Variants in DOP1A observed in about 807,000 individuals in gnomAD.
DOP1A encodes the protein protein DOP1A.
A neutral mutation model predicts 267.6 loss-of-function variants in DOP1A; 90 were observed. The observed-to-expected ratio is 0.34, with a 90% CI of 0.28 to 0.40. The LOEUF (loss-of-function observed/expected upper bound fraction) is 0.40, where lower values mean the gene tolerates loss of function less well. DOP1A is among the 10% of genes least tolerant of loss of function. The pLI is 1.00. For synonymous variants in DOP1A, 932 were observed against 999.1 expected (o/e 0.93, Z 1.27); for missense variants, 2,437 against 2,900.4 (o/e 0.84, Z 3.67).
Position 83,138,891 on chromosome 6 carries a change from A to T in DOP1A, c.4849A>T (p.Ile1617Phe). 1 of 1,614,078 alleles carries T rather than the reference A, an allele frequency of 6.2e-7. No individual in the cohort carries two copies. The highest frequency in any genetic ancestry group is 8.5e-7 in the Non-Finnish European group (1 of 1,179,964). The change falls in exon 21 of 39, where the codon ATC (isoleucine) becomes TTC (phenylalanine). Residue 1617 changes from isoleucine to phenylalanine, a missense_variant. This residue lies in a region of DOP1A where 878 missense variants were observed against 992.9 expected (regional missense o/e 0.88). Coordinates refer to ENST00000349129, the MANE Select transcript of DOP1A (RefSeq NM_015018.4). The part of the protein sequence containing the change: ...FDFVVSDLEH[I>F]SPHQPMTSLQ... ...TTTTGTTGTATCTGACTTAGAACAC[A>T]TCAGTCCCCATCAACCCATGACTTC...
At chr6:83,132,686 A>G (rs1047526500) in intron 18 of DOP1A, among the ~76,000 whole-genome samples, 1 of 152,144 alleles carries the variant, frequency 6.6e-6, no homozygotes, top group African/African-American at 2.4e-5. Context: ...GGATTTATTA[A>G]CTAATATATA....
In DOP1A at chr6:83,158,602, T is replaced by C. The variant is rs201998300; in HGVS notation, c.6777T>C (p.Thr2259=). 1 of 1,607,828 alleles carries C rather than the reference T, an allele frequency of 6.2e-7. No homozygotes were observed. Among genetic ancestry groups the C allele is most frequent in the Middle Eastern group, 1.7e-4 (1 of 6,026 alleles). ...TTTTACTGATGGAGCAGGAACTCAC[T>C]GCTGATGAAGATATTTCACGGTAAT... ...QVFLLMEQEL[T]ADEDISRTSG... is the part of the protein sequence containing the mutation. The change falls in exon 36 of 39, where the codon ACT becomes ACC. Residue 2259 remains threonine (T), a synonymous_variant. Transcript: ENST00000349129.
At chr6:83,127,014 C>T (rs963092134) in intron 15 of DOP1A, among the ~76,000 whole-genome samples, 4 of 151,922 alleles carry the variant, frequency 2.6e-5, no homozygotes, top group Non-Finnish European at 4.4e-5. Context: ...TGAGTCAGTT[C>T]CTGGGTGGGG....
At chr6:83,168,583 C>T (rs1181262181), downstream of DOP1A, 16 of 996,776 alleles carry the variant, frequency 1.6e-5, no homozygotes, top group East Asian at 1.1e-4. Flanking sequence ...GGCTGGGAAA[C>T]GTATTATAAT....
intron 1 of DOP1A, among the ~76,000 whole-genome samples, chr6:83,078,557 A>G (rs1767532982): frequency 6.6e-6 from 1 of 152,210 alleles, no homozygotes; most frequent in South Asian, 2.1e-4. Flanking sequence ...ACAAGTACAA[A>G]CTTGTGTAAT....
Position 83,163,150 on chromosome 6 carries a change from AAAGG to A in DOP1A, c.7092+236_7092+239del, listed in dbSNP as rs200890035. ...GGTTATTCATTTTTTTAAAGAAGAA[AAAGG>A]AAGGCTTTTGTACATTAATAACATC... On this transcript the variant is annotated intron_variant, in intron 38 of 38. Transcript: ENST00000349129. Among the ~76,000 whole-genome samples the A allele has an allele frequency of 3.8e-3, 584 of 152,290 alleles. 3 individuals carry two copies. Among genetic ancestry groups the A allele is most frequent in the African/African-American group, 0.014 (564 of 41,566 alleles).
At chr6:83,072,177 A>G (rs556808343) in intron 1 of DOP1A, among the ~76,000 whole-genome samples, 46 of 152,290 alleles carry the variant, frequency 3.0e-4, no homozygotes, top group African/African-American at 1.1e-3. Context: ...TTTGTAAAAT[A>G]CATTTTGTAT....
intron 18 of DOP1A, 93 bp downstream of exon 18, chr6:83,132,421 T>C (rs960011475): frequency 3.1e-5 from 41 of 1,343,858 alleles, no homozygotes; most frequent in East Asian, 1.9e-4. Context: ...GGGAAATTAT[T>C]GCAATTAACA....
At chr6:83,127,502 A>G (rs2128231985) in intron 15 of DOP1A, among the ~76,000 whole-genome samples, 1 of 152,292 alleles carries the variant, frequency 6.6e-6, no homozygotes, top group South Asian at 2.1e-4. Context: ...GAGCTGTTCG[A>G]GGGCTTTTGT....
At chr6:83,159,765 A>G in intron 36 of DOP1A, 31 bp from the exon 37 acceptor site, 11 of 1,613,668 alleles carry the variant, frequency 6.8e-6, no homozygotes, top group Non-Finnish European at 9.3e-6. Flanking sequence ...AAATGGGTCC[A>G]GCTGCTGACA....
At chr6:83,152,870 G>A (rs528630421) in intron 30 of DOP1A, among the ~76,000 whole-genome samples, 3 of 152,026 alleles carry the variant, frequency 2.0e-5, no homozygotes, top group African/African-American at 4.8e-5. Flanking sequence ...CGCCCACCTC[G>A]GCTTCCCAAA....
intron 10 of DOP1A, among the ~76,000 whole-genome samples, chr6:83,121,244 CAT>C (rs1291191824): frequency 2.0e-5 from 3 of 151,648 alleles, no homozygotes. Context: ...TAGTAAAAAA[CAT>C]AAATATTTAC....
chr6:83,135,568 T>TGAC, intron 19 of DOP1A, 51 bp from the exon 20 acceptor site: 1 of 1,533,980 alleles, frequency 6.5e-7, no homozygotes, highest in African/African-American at 1.4e-5. Context: ...TAAAAGAGTG[T>TGAC]GACAAGGTAG....
chr6:83,125,313 T>A, intron 14 of DOP1A, 118 bp downstream of exon 14: 1 of 1,182,526 alleles, frequency 8.5e-7, no homozygotes, highest in South Asian at 1.6e-5. Flanking sequence ...TTGAAGTATT[T>A]AAATTGAGAA....
rs148686392 is a variant in DOP1A at position 83,102,918 on chromosome 6, T to C, written c.320+2032T>C. On this transcript the variant is annotated intron_variant, in intron 4 of 38. Transcript: ENST00000349129. ...ATTCCACTCAGGTCCACAGGTCTCT[T>C]TGCTTATTATTACTCATTTTCTTTG... 3.8e-3 allele frequency among the ~76,000 whole-genome samples: 582 copies of C among 152,308 alleles called. 3 individuals are homozygous for C. The highest frequency in any genetic ancestry group is 0.014 in the African/African-American group (562 of 41,566).
At chr6:83,082,388 G>A (rs1368613039) in intron 1 of DOP1A, among the ~76,000 whole-genome samples, 2 of 152,212 alleles carry the variant, frequency 1.3e-5, no homozygotes, top group African/African-American at 2.4e-5. Context: ...AGGACACTGT[G>A]TTAAGTGAAA....
Position 83,073,433 on chromosome 6 carries a change from A to G in DOP1A, c.-147+5654A>G, listed in dbSNP as rs529759477. On this transcript the variant is annotated intron_variant, in intron 1 of 38. Transcript: ENST00000349129. ...GAATGAGGGGTTCCAGAAACAAAAT[A>G]TGGCCTCTGACATTTTTTGGAAGGC... Among the ~76,000 whole-genome samples the G allele has an allele frequency of 6.6e-5, 10 of 152,206 alleles. No individual in the cohort carries two copies. In the East Asian group the frequency reaches 1.6e-3, roughly 24 times the overall value.
intron 31 of DOP1A, 66 bp downstream of exon 31, chr6:83,153,686 C>A: frequency 7.6e-7 from 1 of 1,310,530 alleles, no homozygotes. Context: ...GTTCTGTTCC[C>A]TTATTGCCAT....
At chr6:83,162,387 T>C (rs1784441970) in intron 37 of DOP1A, among the ~76,000 whole-genome samples, 2 of 152,154 alleles carry the variant, frequency 1.3e-5, no homozygotes, top group Non-Finnish European at 2.9e-5. Flanking sequence ...CAGTTATATG[T>C]TGAAAAATCA....
Sources: allele counts gnomAD v4.1 joint callset (sites outside exome capture counted in the v4.1 genomes callset), GRCh38; gene constraint gnomAD v4.1.1; regional missense constraint gnomAD v4.1.1; transcripts MANE v1.5; gene names NCBI Gene and HGNC (gene_info 2026-07-23, HGNC 2026-07-21).